The following NDST4 variants were observed in gnomAD, a reference collection of about 807,000 sequenced individuals.
NDST4 encodes N-deacetylase and N-sulfotransferase 4.
In NDST4, 63 loss-of-function variants were observed where a neutral mutation model predicts 100.8. The ratio of observed to expected loss-of-function variants is 0.62; its 90% CI spans 0.51 to 0.77. The LOEUF is 0.77. Among genes scored for constraint, NDST4 ranks in the 30% least tolerant of loss-of-function variants. The pLI is 0.00. For missense variants in NDST4, 943 were observed against 1,018.4 expected (o/e 0.93, Z 1.01); for synonymous variants, 377 against 361.8 (o/e 1.04, Z -0.48).
rs934017298 is a variant in NDST4 at position 114,934,637 on chromosome 4, T to C, written c.1536+569A>G. ...ATCCAGAGAGTAGGATGCCAGTGGC[T>C]GGGGGAAAGTTCGTGGAAAGGAACA... On this transcript the variant is annotated intron_variant, in intron 6 of 13. Transcript: ENST00000264363. 2.6e-5 allele frequency among the ~76,000 whole-genome samples: 4 copies of C among 151,588 alleles called. No individual in the cohort carries two copies. The East Asian group carries it at 7.8e-4, about 29-fold the overall frequency.
At chr4:114,843,073 T>C (rs75252964) in intron 10 of NDST4, among the ~76,000 whole-genome samples, 1,928 of 152,298 alleles carry the variant, frequency 0.013, 44 homozygotes, top group African/African-American at 0.045. Flanking sequence ...TCATATGATA[T>C]AGTACTAGAC....
Position 114,912,928 on chromosome 4 carries a change from G to GTAAAATTTATTTTA in NDST4, c.1536+22277_1536+22278insTAAAATAAATTTTA, listed in dbSNP as rs1560809160. 3.3e-5 allele frequency among the ~76,000 whole-genome samples: 5 copies of GTAAAATTTATTTTA among 151,988 alleles called. 2 individuals carry two copies. The South Asian group carries it at 1.0e-3, about 32-fold the overall frequency. On this transcript the variant is annotated intron_variant, in intron 6 of 13. Coordinates refer to ENST00000264363, the MANE Select transcript of NDST4 (RefSeq NM_022569.3). ...AAAGTGATATATTTTTATGAATCAG[G>GTAAAATTTATTTTA]CTGTAAAATAATGGTGGATGCAATA...
intron 7 of NDST4, 70 bp downstream of exon 7, chr4:114,870,698 A>G (rs1724128726): frequency 7.3e-7 from 1 of 1,366,368 alleles, no homozygotes; most frequent in Non-Finnish European, 1.0e-6. Flanking sequence ...CAGAGTGCCT[A>G]ACACAAATTA....
intron 6 of NDST4, among the ~76,000 whole-genome samples, chr4:114,932,432 A>G (rs1408979951): frequency 6.6e-6 from 1 of 151,998 alleles, no homozygotes; most frequent in Non-Finnish European, 1.5e-5. Flanking sequence ...CTAAGATTAG[A>G]AGCAAGAGAA....
At chr4:115,043,061 A>T in intron 2 of NDST4, among the ~76,000 whole-genome samples, 1 of 152,062 alleles carries the variant, frequency 6.6e-6, no homozygotes, top group Admixed American at 6.6e-5. Flanking sequence ...ATTTACCACT[A>T]CACATGCTGC....
chr4:114,924,654 A>G (rs1172269718), intron 6 of NDST4, among the ~76,000 whole-genome samples: 1 of 152,148 alleles, frequency 6.6e-6, no homozygotes, highest in African/African-American at 2.4e-5. Flanking sequence ...AAAAGTTACA[A>G]GTTAATTTCT....
chr4:114,990,461 A>C lies in NDST4; in HGVS notation c.979-13187T>G, dbSNP rs777534892. ...GCTCTTAAGGAATCCCTTGACCAAAAGATATTTTATAAACTACAAGGATGT... is the reference window on the plus strand; with the variant it reads ...GCTCTTAAGGAATCCCTTGACCAAACGATATTTTATAAACTACAAGGATGT... On this transcript the variant is annotated intron_variant, in intron 2 of 13. Transcript: ENST00000264363. Among the ~76,000 whole-genome samples, 123 of 152,234 alleles carry C rather than the reference A, an allele frequency of 8.1e-4. 1 individual carries two copies. Among genetic ancestry groups the C allele is most frequent in the Non-Finnish European group, 1.4e-3 (95 of 67,978 alleles).
intron 3 of NDST4, among the ~76,000 whole-genome samples, chr4:114,976,432 CT>C (rs1161645415): frequency 6.6e-6 from 1 of 151,720 alleles, no homozygotes; most frequent in Non-Finnish European, 1.5e-5. Context: ...GCATAGCTTT[CT>C]CTAACATGGT....
chr4:114,944,555 G>A (rs1725818800), intron 4 of NDST4, among the ~76,000 whole-genome samples: 2 of 152,022 alleles, frequency 1.3e-5, no homozygotes, highest in Non-Finnish European at 1.5e-5. Context: ...CTAATCTTCT[G>A]GCATCTGATG....
chr4:114,867,280 C>T (rs910811157), intron 7 of NDST4, among the ~76,000 whole-genome samples: 2 of 152,114 alleles, frequency 1.3e-5, no homozygotes, highest in African/African-American at 4.8e-5. Flanking sequence ...GTTTATGTCA[C>T]AGCTATTCAA....
chr4:115,030,141 G>A (rs1263160636), intron 2 of NDST4, among the ~76,000 whole-genome samples: 2 of 152,058 alleles, frequency 1.3e-5, no homozygotes, highest in Admixed American at 1.3e-4. Flanking sequence ...AAGTTTGAAT[G>A]CTTATAAATG....
chr4:114,865,330 C>G (rs111430748), intron 7 of NDST4, among the ~76,000 whole-genome samples: 1 of 151,976 alleles, frequency 6.6e-6, no homozygotes, highest in Non-Finnish European at 1.5e-5. Flanking sequence ...CCCAAAGTGC[C>G]GGGATTATAG....
intron 3 of NDST4, 115 bp from the exon 4 acceptor site, chr4:114,970,699 T>A: frequency 1.1e-6 from 1 of 880,130 alleles, no homozygotes; most frequent in Non-Finnish European, 1.7e-6. Context: ...TCCAATTCTG[T>A]GGGCTTTTTA....
At chr4:114,863,731 C>T (rs1168601310) in intron 7 of NDST4, among the ~76,000 whole-genome samples, 1 of 152,202 alleles carries the variant, frequency 6.6e-6, no homozygotes, top group Admixed American at 6.5e-5. Context: ...ACTCAGCTGT[C>T]ACACAGGTAC....
At chr4:114,929,527 G>A (rs1027168575) in intron 6 of NDST4, among the ~76,000 whole-genome samples, 1 of 152,072 alleles carries the variant, frequency 6.6e-6, no homozygotes, top group Admixed American at 6.6e-5. Context: ...CATATTTTGA[G>A]CTCACCATCA....
At chr4:114,920,019 A>G (rs572876445) in intron 6 of NDST4, among the ~76,000 whole-genome samples, 1 of 152,314 alleles carries the variant, frequency 6.6e-6, no homozygotes, top group Non-Finnish European at 1.5e-5. Flanking sequence ...TTATAAAACC[A>G]TAATAATTTA....
Position 114,985,716 on chromosome 4 carries a change from G to A in NDST4, c.979-8442C>T, listed in dbSNP as rs1042194895. On this transcript the variant is annotated intron_variant, in intron 2 of 13. Transcript: ENST00000264363. ...TCAAATAATTTTTTAATTACAAATT[G>A]TTACTAGTGTTGCAAAGTTAATTTT... Among the ~76,000 whole-genome samples the A allele has an allele frequency of 2.0e-5, 3 of 152,152 alleles. No homozygotes were observed. The East Asian group carries it at 5.8e-4, about 29-fold the overall frequency.
At chr4:114,947,815 T>C (rs1249591074) in intron 4 of NDST4, among the ~76,000 whole-genome samples, 2 of 152,166 alleles carry the variant, frequency 1.3e-5, no homozygotes, top group Non-Finnish European at 2.9e-5. Flanking sequence ...AATATTTATG[T>C]GCAGCACACA....
chr4:114,872,832 C>T (rs2126197608), intron 6 of NDST4, among the ~76,000 whole-genome samples: 1 of 152,052 alleles, frequency 6.6e-6, no homozygotes, highest in African/African-American at 2.4e-5. Context: ...TAAAACCAGG[C>T]AGTCAGATTC....
Sources: gnomAD v4.1 joint callset for allele counts (sites outside exome capture counted in the v4.1 genomes callset) on GRCh38, gnomAD v4.1.1 for gene constraint, MANE v1.5 for transcripts, NCBI Gene and HGNC (gene_info 2026-07-23, HGNC 2026-07-21) for gene names.